XPR1: variants seen among roughly 807,000 people sequenced by gnomAD.
XPR1 encodes xenotropic and polytropic retrovirus receptor 1.
Under a neutral mutation model 87.5 loss-of-function variants are expected in XPR1, and 28 were observed. That is an observed-to-expected ratio of 0.32 (90% CI 0.24 to 0.44). The LOEUF (loss-of-function observed/expected upper bound fraction) is 0.44. XPR1 is among the 20% of genes least tolerant of loss of function. XPR1 has a pLI of 1.00. For missense variants in XPR1, 559 were observed against 862.3 expected, an observed-to-expected ratio of 0.65 and a Z score of 4.41; for synonymous variants, 300 against 306.1, an observed-to-expected ratio of 0.98 and a Z score of 0.21.
chr1:180,843,146 T>TA (rs1270891578), intron 11 of XPR1, among the ~76,000 whole-genome samples: 1 of 152,212 alleles, frequency 6.6e-6, no homozygotes, highest in African/African-American at 2.4e-5. Flanking sequence ...CTCCCTGGGG[T>TA]ATGACCAGTT....
intron 11 of XPR1, among the ~76,000 whole-genome samples, chr1:180,846,103 T>G (rs1357516873): frequency 6.6e-6 from 1 of 151,804 alleles, no homozygotes; most frequent in Non-Finnish European, 1.5e-5. Context: ...CTACTAAAAA[T>G]TATAAAAAAT....
chr1:180,748,504 T>G (rs1430391530), intron 2 of XPR1, among the ~76,000 whole-genome samples: 2 of 136,800 alleles, frequency 1.5e-5, no homozygotes, highest in Non-Finnish European at 3.1e-5. Context: ...CTGCAACCTC[T>G]GCCTCCCGGG....
At chr1:180,699,403 C>G (rs1335707878) in intron 2 of XPR1, among the ~76,000 whole-genome samples, 5 of 113,888 alleles carry the variant, frequency 4.4e-5, no homozygotes, top group Non-Finnish European at 8.9e-5. Context: ...TGTGATATTC[C>G]CCTTCCTGTG....
chr1:180,775,777 A>C (rs1197362592), intron 2 of XPR1, among the ~76,000 whole-genome samples: 2 of 152,186 alleles, frequency 1.3e-5, no homozygotes, highest in African/African-American at 2.4e-5. Flanking sequence ...GTATTTTGTC[A>C]TATTTGTTAA....
intron 2 of XPR1, among the ~76,000 whole-genome samples, chr1:180,766,103 C>T (rs1416851517): frequency 6.6e-6 from 1 of 151,982 alleles, no homozygotes; most frequent in African/African-American, 2.4e-5. Context: ...TGTCATCATT[C>T]CCTCCTGCCT....
At chr1:180,652,248 C>T (rs556421534) in intron 1 of XPR1, among the ~76,000 whole-genome samples, 172 of 151,852 alleles carry the variant, frequency 1.1e-3, no homozygotes, top group African/African-American at 3.7e-3. Context: ...GCTGAGATGG[C>T]GCCATTGCAC....
At chr1:180,663,637 C>G (rs139797124) in intron 1 of XPR1, among the ~76,000 whole-genome samples, 1 of 152,296 alleles carries the variant, frequency 6.6e-6, no homozygotes, top group East Asian at 1.9e-4. Flanking sequence ...GCTATAACCA[C>G]CACCTGCCTA....
intron 3 of XPR1, among the ~76,000 whole-genome samples, chr1:180,802,802 CT>C (rs1649840380): frequency 6.6e-6 from 1 of 152,156 alleles, no homozygotes; most frequent in Non-Finnish European, 1.5e-5. Flanking sequence ...TGTCTGGTTT[CT>C]TTCACTTAAT....
At chr1:180,677,499 A>G (rs1656407866) in intron 1 of XPR1, among the ~76,000 whole-genome samples, 2 of 152,088 alleles carry the variant, frequency 1.3e-5, no homozygotes, top group African/African-American at 4.8e-5. Context: ...ATAAGACCAG[A>G]TGAGCCAGTT....
At chr1:180,649,231 C>T (rs1328564531) in intron 1 of XPR1, among the ~76,000 whole-genome samples, 21 of 151,636 alleles carry the variant, frequency 1.4e-4, no homozygotes, top group Non-Finnish European at 2.5e-4. Context: ...CGAGACCATC[C>T]TGCCTAAGAC....
At chr1:180,718,823 C>T (rs1438311899) in intron 2 of XPR1, among the ~76,000 whole-genome samples, 1 of 152,050 alleles carries the variant, frequency 6.6e-6, no homozygotes, top group Non-Finnish European at 1.5e-5. Flanking sequence ...TGCCCACCAC[C>T]ACAGCTGGCT....
At chr1:180,836,173 A>G (rs1473976551) in intron 10 of XPR1, among the ~76,000 whole-genome samples, 2 of 152,090 alleles carry the variant, frequency 1.3e-5, no homozygotes, top group African/African-American at 4.8e-5. Context: ...AGCCTGGGCA[A>G]CATGGTGAAA....
At position 180,885,178 on chromosome 1, in the gene XPR1, G is replaced by T. The variant is rs1484069804; in HGVS notation, c.*1112G>T. 2 of 152,550 alleles carry T rather than the reference G, an allele frequency of 1.3e-5. No homozygotes were observed. Among genetic ancestry groups the T allele is most frequent in the East Asian group, 3.9e-4 (2 of 5,180 alleles). 9.4% of individuals were successfully genotyped at this position (152,550 alleles called of 1,614,324 possible). A position where few individuals can be genotyped will look rare whatever the true frequency, so the allele number is the denominator to read the frequency against. The stretch of plus-strand genomic sequence containing the variant: ...CCCTCACTAGATAGTTTTTCTTCTG[G>T]GTTCAACCACTTTAGCCAGAATTTG... On this transcript the variant is annotated 3_prime_UTR_variant, in exon 15 of 15. Coordinates refer to ENST00000367590, the MANE Select transcript of XPR1 (RefSeq NM_004736.4).
chr1:180,707,276 A>G (rs546143297), intron 2 of XPR1, among the ~76,000 whole-genome samples: 99 of 152,286 alleles, frequency 6.5e-4, no homozygotes, highest in African/African-American at 2.2e-3. Flanking sequence ...TGTATAGATT[A>G]TTTCATCAAC....
intron 1 of XPR1, among the ~76,000 whole-genome samples, chr1:180,680,095 G>A (rs896604047): frequency 1.3e-5 from 2 of 151,866 alleles, no homozygotes; most frequent in African/African-American, 4.8e-5. Context: ...CTCAAAAGAC[G>A]TACAAGTGGC....
chr1:180,855,641 C>T (rs7537396), intron 11 of XPR1, among the ~76,000 whole-genome samples: 6,213 of 142,028 alleles, frequency 0.044, 470 homozygotes, highest in African/African-American at 0.15. Flanking sequence ...TCCAGCCTGG[C>T]GACAGAGTGA....
intron 2 of XPR1, among the ~76,000 whole-genome samples, chr1:180,752,038 CACTT>C (rs1251609964): frequency 6.6e-6 from 1 of 152,102 alleles, no homozygotes; most frequent in South Asian, 2.1e-4. Flanking sequence ...TCATCTATGA[CACTT>C]AGTAGTGGAA....
intron 1 of XPR1, among the ~76,000 whole-genome samples, chr1:180,678,992 G>A (rs1398325070): frequency 6.6e-6 from 1 of 151,964 alleles, no homozygotes; most frequent in African/African-American, 2.4e-5. Flanking sequence ...TCAGGAGATC[G>A]AGACCATCCT....
chr1:180,656,912 C>T (rs926263300), intron 1 of XPR1, among the ~76,000 whole-genome samples: 2 of 151,530 alleles, frequency 1.3e-5, no homozygotes, highest in Non-Finnish European at 2.9e-5. Flanking sequence ...GAGGAAGCTC[C>T]AGACTGTTCT....
Sources: allele counts gnomAD v4.1 joint callset (sites outside exome capture counted in the v4.1 genomes callset), GRCh38; gene constraint gnomAD v4.1.1; transcripts MANE v1.5; gene names NCBI Gene and HGNC (gene_info 2026-07-23, HGNC 2026-07-21).